The following PAXIP1 variants were observed in gnomAD, a reference collection of about 807,000 sequenced individuals.
PAXIP1 encodes PAX interacting protein 1, also known as PAX-interacting protein 1.
A neutral mutation model predicts 140.6 loss-of-function variants in PAXIP1; 19 were observed. That is an observed-to-expected ratio of 0.14 (90% CI 0.09 to 0.20). The LOEUF is 0.20. Among genes scored for constraint, PAXIP1 ranks in the 10% least tolerant of loss-of-function variants. The probability of loss-of-function intolerance (pLI) is 1.00; values close to 1 mark genes in which losing one functional copy is unlikely to be tolerated. For synonymous variants in PAXIP1, 442 were observed against 444.6 expected (o/e 0.99, Z 0.07); for missense variants, 920 against 1,208.6 (o/e 0.76, Z 3.54).
intron 6 of PAXIP1, among the ~76,000 whole-genome samples, chr7:154,969,641 C>T (rs931571080): frequency 1.1e-4 from 16 of 152,216 alleles, no homozygotes; most frequent in African/African-American, 3.9e-4. Flanking sequence ...TTCCCATTTC[C>T]TCTTGTCTTA....
intron 16 of PAXIP1, among the ~76,000 whole-genome samples, chr7:154,952,399 T>C (rs1400480643): frequency 6.6e-6 from 1 of 152,212 alleles, no homozygotes; most frequent in Non-Finnish European, 1.5e-5. Flanking sequence ...GCTGAAATGG[T>C]GAATAAGCAT....
At chr7:154,997,399 A>T (rs1429340497) in intron 2 of PAXIP1, among the ~76,000 whole-genome samples, 1 of 152,156 alleles carries the variant, frequency 6.6e-6, no homozygotes, top group Non-Finnish European at 1.5e-5. Flanking sequence ...ACTACAGGTG[A>T]GTCCCACTGC....
At chr7:154,958,934 A>G (rs1461321296) in intron 13 of PAXIP1, among the ~76,000 whole-genome samples, 1 of 152,224 alleles carries the variant, frequency 6.6e-6, no homozygotes, top group Non-Finnish European at 1.5e-5. Context: ...AATTAAAATC[A>G]TAACTACTAG....
chr7:154,944,063 A>C lies in PAXIP1; in HGVS notation c.*86T>G. The C allele has an allele frequency of 1.6e-6, 2 of 1,248,952 alleles. No homozygotes were observed. Among genetic ancestry groups the C allele is most frequent in the Middle Eastern group, 1.9e-4 (1 of 5,396 alleles). 77.4% of individuals were successfully genotyped at this position (1,248,952 alleles called of 1,614,324 possible). On this transcript the variant is annotated 3_prime_UTR_variant, in exon 21 of 21. Coordinates refer to ENST00000404141, the MANE Select transcript of PAXIP1 (RefSeq NM_007349.4). Reference sequence around the variant, plus strand: ...AGGAAAGCAGCTGGAAAACAAGAGCATGTGAAGGAAGCGCAGCAGCTCCTC... The same window carrying C: ...AGGAAAGCAGCTGGAAAACAAGAGCCTGTGAAGGAAGCGCAGCAGCTCCTC...
chr7:154,953,616 T>A (rs1808378869), intron 16 of PAXIP1, among the ~76,000 whole-genome samples: 2 of 152,128 alleles, frequency 1.3e-5, no homozygotes, highest in South Asian at 4.1e-4. Context: ...ACCACTCCTA[T>A]GCAGGACAGT....
Position 154,968,861 on chromosome 7 carries a change from G to A in PAXIP1, c.1340C>T (p.Pro447Leu), listed in dbSNP as rs1267916689. 1 of 823,604 alleles carries A rather than the reference G, an allele frequency of 1.2e-6. No individual in the cohort carries two copies. Among genetic ancestry groups the A allele is most frequent in the South Asian group, 1.4e-5 (1 of 69,304 alleles). 51.0% of individuals were successfully genotyped at this position (823,604 alleles called of 1,614,324 possible). ...CTGCTGCTGCTGTTGCTGTGAAAATGGATGCGGCGGCTGCTGGGGGTAAGG... is the reference window on the plus strand; with the variant it reads ...CTGCTGCTGCTGTTGCTGTGAAAATAGATGCGGCGGCTGCTGGGGGTAAGG... ...QQPYPQQPPH[P>L]FSQQQQQQQQ... is the part of the protein sequence containing the mutation. The change falls in exon 7 of 21, where the codon CCA becomes CTA. Residue 447 changes from proline to leucine, a missense_variant. Pro to Leu is a moderately conservative substitution (Grantham distance 98). Around this residue, in one of 5 missense-constraint regions of PAXIP1, gnomAD observed 133 missense variants for 88.4 expected, o/e 1.50. Transcript: ENST00000404141.
chr7:155,002,325 C>A (rs545354819), intron 1 of PAXIP1, among the ~76,000 whole-genome samples: 109 of 152,298 alleles, frequency 7.2e-4, no homozygotes, highest in African/African-American at 2.6e-3. Flanking sequence ...CAGCCCCGCA[C>A]AGGACGGCAG....
At chr7:154,947,673 C>T (rs1389952792) in intron 17 of PAXIP1, 1 of 446,014 alleles carries the variant, frequency 2.2e-6, no homozygotes, top group African/African-American at 2.0e-5. Flanking sequence ...AATTTGTGTA[C>T]TTATTTTTAA....
chr7:154,976,309 T>C lies in PAXIP1; in HGVS notation c.461A>G (p.Lys154Arg). Residue 154 changes from lysine to arginine, a missense_variant, in exon 6 of 21, where the codon AAG (lysine) becomes AGG (arginine). Transcript: ENST00000404141. ...AGTCACAATTTTAATACTTGCTCGC[T>C]TTAAAGCACATTCGTATTTCTCCTA... is the stretch of plus-strand genomic sequence containing the variant. ...PKGEKYECAL[K>R]RASIKIVTPD... The C allele has an allele frequency of 6.3e-7, 1 of 1,594,386 alleles. No individual in the cohort carries two copies. Among genetic ancestry groups the C allele is most frequent in the Non-Finnish European group, 8.5e-7 (1 of 1,170,320 alleles).
At chr7:154,978,145 T>A (rs946294534) in intron 5 of PAXIP1, among the ~76,000 whole-genome samples, 2 of 152,242 alleles carry the variant, frequency 1.3e-5, no homozygotes, top group African/African-American at 4.8e-5. Context: ...CACAATGAAC[T>A]ATGATTCACC....
intron 5 of PAXIP1, among the ~76,000 whole-genome samples, chr7:154,978,067 C>A (rs937548152): frequency 2.6e-5 from 4 of 152,126 alleles, no homozygotes; most frequent in African/African-American, 9.7e-5. Flanking sequence ...AATCTTGCTT[C>A]TCCTGAACTT....
intron 1 of PAXIP1, 69 bp downstream of exon 1, chr7:155,002,780 G>C (rs1157958245): frequency 5.8e-6 from 5 of 865,974 alleles, no homozygotes; most frequent in East Asian, 4.6e-5. Flanking sequence ...GAGCGGGGAC[G>C]GGGACGGGGA....
intron 3 of PAXIP1, among the ~76,000 whole-genome samples, chr7:154,991,682 A>C (rs932710753): frequency 2.6e-5 from 4 of 152,226 alleles, no homozygotes; most frequent in African/African-American, 9.6e-5. Flanking sequence ...CAAAATGATT[A>C]ATGAGCACTT....
intron 20 of PAXIP1, chr7:154,945,791 A>G: frequency 1.0e-6 from 1 of 984,784 alleles, no homozygotes. Context: ...AATAATTCAG[A>G]GATTTTTAAT....
chr7:154,955,004 A>T (rs1346266922), intron 15 of PAXIP1, among the ~76,000 whole-genome samples: 1 of 152,220 alleles, frequency 6.6e-6, no homozygotes, highest in South Asian at 2.1e-4. Context: ...AATACAGGTC[A>T]ACTTATACTC....
chr7:155,002,825 C>A (rs1363984490), intron 1 of PAXIP1, 24 bp downstream of exon 1: 3 of 1,351,206 alleles, frequency 2.2e-6, no homozygotes, highest in East Asian at 6.9e-5. Context: ...GGGGAGGAGG[C>A]CGCGGCAGGG....
Position 154,961,475 on chromosome 7 carries a change from A to G in PAXIP1, c.2249+52T>C, listed in dbSNP as rs189536384. The G allele has an allele frequency of 6.3e-6, 9 of 1,435,742 alleles. No individual in the cohort carries two copies. In the African/African-American group the frequency reaches 1.1e-4, roughly 18 times the overall value. 88.9% of individuals were successfully genotyped at this position (1,435,742 alleles called of 1,614,324 possible). A position where few individuals can be genotyped will look rare whatever the true frequency, so the allele number is the denominator to read the frequency against. ...AAAAGGCACAATTATTGAAATAGCC[A>G]CTATATTGTGTGTAAATTTATGATT... On this transcript the variant is annotated intron_variant, in intron 11 of 20. Coordinates refer to ENST00000404141, the MANE Select transcript of PAXIP1 (RefSeq NM_007349.4).
intron 2 of PAXIP1, among the ~76,000 whole-genome samples, chr7:154,997,727 G>T (rs1479813293): frequency 1.3e-5 from 2 of 152,148 alleles, no homozygotes; most frequent in Non-Finnish European, 2.9e-5. Context: ...CTCATTCTCT[G>T]CAATAAATTA....
intron 4 of PAXIP1, among the ~76,000 whole-genome samples, chr7:154,985,445 C>T (rs541461711): frequency 3.3e-5 from 5 of 152,252 alleles, no homozygotes; most frequent in Admixed American, 3.3e-4. Context: ...CCACGTGCAC[C>T]TGCCGTCCTC....
Sources: allele counts gnomAD v4.1 joint callset (sites outside exome capture counted in the v4.1 genomes callset), GRCh38; gene constraint gnomAD v4.1.1; regional missense constraint gnomAD v4.1.1; transcripts MANE v1.5; gene names NCBI Gene and HGNC (gene_info 2026-07-23, HGNC 2026-07-21).